Variants in MUC6 observed in about 807,000 individuals in gnomAD.
MUC6 encodes the protein mucin-6.
In MUC6, 188 loss-of-function variants were observed where a neutral mutation model predicts 201.5. The ratio of observed to expected loss-of-function variants is 0.93; its 90% CI spans 0.83 to 1.05. MUC6 has a LOEUF of 1.05. MUC6 is among the 50% of genes least tolerant of loss of function. The pLI, the probability that MUC6 is intolerant of heterozygous loss-of-function variation, is 0.00. For missense variants in MUC6, 2,706 were observed against 3,256.9 expected (o/e 0.83, Z 4.12); for synonymous variants, 1,228 against 1,389.4 (o/e 0.88, Z 2.58).
intron 28 of MUC6, 103 bp downstream of exon 28, chr11:1,020,581 C>T (rs1856783827): frequency 4.6e-6 from 7 of 1,510,264 alleles, no homozygotes; most frequent in African/African-American, 1.4e-5. Flanking sequence ...ACAGGTACTG[C>T]CTGCCCCCTC....
At chr11:1,029,846 C>T (rs538656701) in intron 8 of MUC6, among the ~76,000 whole-genome samples, 7 of 152,334 alleles carry the variant, frequency 4.6e-5, no homozygotes, top group South Asian at 2.1e-4. Flanking sequence ...AGGCCCTGGG[C>T]GTGCACAGCC....
chr11:1,033,112 C>T lies in MUC6; in HGVS notation c.53-37G>A, dbSNP rs1857148097. On this transcript the variant is annotated intron_variant, in intron 1 of 32. Coordinates refer to ENST00000421673, the MANE Select transcript of MUC6 (RefSeq NM_005961.3). The surrounding 1 kb of genome is among the most constrained non-coding windows in gnomAD (Gnocchi z 5.6). ...GGACCCGCAGTCGGTGTGGGGCTAC[C>T]CCGTCGTCCCTGAGGGCGCCGCTCA... 1.2e-6 allele frequency: 2 copies of T among 1,604,780 alleles called. No homozygotes were observed. The highest frequency in any genetic ancestry group is 1.1e-5 in the South Asian group (1 of 90,860).
intron 4 of MUC6, 21 bp from the exon 5 acceptor site, chr11:1,031,280 GGGGGCCCGGGGGCCAGGGGC>G: frequency 6.5e-7 from 1 of 1,547,638 alleles, no homozygotes; most frequent in Non-Finnish European, 8.7e-7. Context: ...CGGCTCTGCT[GGGGGCCCGGGGGCCAGGGGC>G]CCCCTCATCT....
In MUC6 at chr11:1,016,072, G is replaced by A; in HGVS notation, c.6729C>T (p.Ser2243=). ...GCGTGGACGGAAATGCAATGGTGCT[G>A]GAGGCTAGGTGGCTGGATGGGGTGG... The part of the protein sequence containing the change: ...VSPTPSSHLA[S]STIAFPSTPR... The change falls in exon 31 of 33, where the codon TCC becomes TCT. Residue 2243 remains serine (S), a synonymous_variant. Transcript: ENST00000421673. The A allele has an allele frequency of 6.2e-7, 1 of 1,612,970 alleles. No homozygotes were observed. The highest frequency in any genetic ancestry group is 8.5e-7 in the Non-Finnish European group (1 of 1,179,242).
At position 1,027,953 on chromosome 11, in the gene MUC6, T is replaced by G. The variant is rs764036374; in HGVS notation, c.1848+12A>C. The stretch of plus-strand genomic sequence containing the variant: ...CCCCTGCAGCCCTCCCAAGACGCCC[T>G]CGGGCCCTCACCTTGTAGAAGGGTG... On this transcript the variant is annotated intron_variant, in intron 15 of 32. Transcript: ENST00000421673. 2.6e-6 allele frequency: 4 copies of G among 1,566,752 alleles called. No homozygotes were observed. Among genetic ancestry groups the G allele is most frequent in the Non-Finnish European group, 3.5e-6 (4 of 1,156,246 alleles).
At position 1,019,480 on chromosome 11, in the gene MUC6, G is replaced by C. The variant is rs1856760937; in HGVS notation, c.3825C>G (p.Thr1275=). 1 of 1,613,596 alleles carries C rather than the reference G, an allele frequency of 6.2e-7. No individual in the cohort carries two copies. Among genetic ancestry groups the C allele is most frequent in the African/African-American group, 1.3e-5 (1 of 74,876 alleles). The change falls in exon 30 of 33, where the codon ACC becomes ACG. Residue 1275 remains threonine (T), a synonymous_variant. Coordinates refer to ENST00000421673, the MANE Select transcript of MUC6 (RefSeq NM_005961.3). ...ATGTGGCTTGTGGGGTGACGGCCGT[G>C]GTTGGTCTAGGTGGTTCTGCAGAGG... ...TASSGEPPRP[T]TAVTPQATSG...
In MUC6 at chr11:1,029,189, G is replaced by A. The variant is rs771568503; in HGVS notation, c.1275+39C>T. The A allele has an allele frequency of 5.0e-6, 8 of 1,605,424 alleles. No individual in the cohort carries two copies. In the East Asian group the frequency reaches 6.7e-5, roughly 14 times the overall value. ...GGGCTCAGACACGGGTGGGGTCACC[G>A]GGAGCGCCCCTCCCCACGGGCCACA... On this transcript the variant is annotated intron_variant, in intron 10 of 32. Transcript: ENST00000421673.
In MUC6 at chr11:1,013,882, C is replaced by T. The variant is rs1259155033; in HGVS notation, c.7142+17G>A. On this transcript the variant is annotated intron_variant, in intron 32 of 32. Coordinates refer to ENST00000421673, the MANE Select transcript of MUC6 (RefSeq NM_005961.3). ...ACCTTGGTGGACGTGGGGCAGGCCTCCCACCTGTGGACTCACCTGGCAGCG... is the reference window on the plus strand; with the variant it reads ...ACCTTGGTGGACGTGGGGCAGGCCTTCCACCTGTGGACTCACCTGGCAGCG... 1.3e-6 allele frequency: 2 copies of T among 1,593,598 alleles called. No individual in the cohort carries two copies. The highest frequency in any genetic ancestry group is 1.3e-5 in the African/African-American group (1 of 74,614).
rs1265485209 is a variant in MUC6, at chr11:1,026,484, G to A, written c.2395-6C>T. Reference sequence around the variant, plus strand: ...GGCTCACACTTGGTGGGCACCTGGAGGGAGGCAGGTCAGCAGCTCCTGGGA... The same window carrying A: ...GGCTCACACTTGGTGGGCACCTGGAAGGAGGCAGGTCAGCAGCTCCTGGGA... On this transcript the variant is annotated splice_polypyrimidine_tract_variant and splice_region_variant and intron_variant, in intron 19 of 32. Coordinates refer to ENST00000421673, the MANE Select transcript of MUC6 (RefSeq NM_005961.3). The A allele has an allele frequency of 6.3e-7, 1 of 1,580,116 alleles. No homozygotes were observed. The highest frequency in any genetic ancestry group is 1.8e-5 in the Admixed American group (1 of 56,208).
At position 1,028,375 on chromosome 11, in the gene MUC6, T is replaced by C; in HGVS notation, c.1604A>G (p.Asn535Ser). The C allele has an allele frequency of 1.2e-6, 2 of 1,612,334 alleles. No individual in the cohort carries two copies. The highest frequency in any genetic ancestry group is 1.3e-5 in the African/African-American group (1 of 75,034). ...FRGQTRGLCGNFNGDTTDDFT... is the reference protein window; with the variant it reads ...FRGQTRGLCGSFNGDTTDDFT... ...GTCATCCGTTGTGTCCCCGTTGAAG[T>C]TGCCGCAGAGCCCTGAGCCGGCGGG... is the stretch of plus-strand genomic sequence containing the variant. The change falls in exon 14 of 33, where the codon AAC (asparagine) becomes AGC (serine). Residue 535 changes from asparagine to serine, a missense_variant. By Grantham distance (46) the Asn-to-Ser change is conservative (BLOSUM62 1). Transcript: ENST00000421673.
intron 27 of MUC6, 99 bp from the exon 28 acceptor site, chr11:1,020,833 A>G (rs1856789863): frequency 2.1e-6 from 3 of 1,450,730 alleles, no homozygotes; most frequent in Non-Finnish European, 2.8e-6. Flanking sequence ...ATGCTCACCA[A>G]GGCTGTGGTG....
intron 26 of MUC6, 90 bp from the exon 27 acceptor site, chr11:1,021,367 G>A: frequency 5.0e-6 from 3 of 605,814 alleles, no homozygotes; most frequent in South Asian, 3.6e-5. Flanking sequence ...CTTCCTCTCT[G>A]CTTTTTTTTT....
At chr11:1,025,738 G>A (rs1856940859) in intron 22 of MUC6, 67 bp downstream of exon 22, 2 of 1,415,926 alleles carry the variant, frequency 1.4e-6, no homozygotes, top group Non-Finnish European at 1.9e-6. Flanking sequence ...CAGTGCGCGG[G>A]ATCCAGCTGT....
In MUC6 at chr11:1,032,983, C is replaced by T. The variant is rs767277580; in HGVS notation, c.115+30G>A. ...GCACACCGGGCCTGGGTGGTCTGGG[C>T]GGCAGGATCAGTGGCCGCTGTGTTC... On this transcript the variant is annotated intron_variant, in intron 2 of 32. Coordinates refer to ENST00000421673, the MANE Select transcript of MUC6 (RefSeq NM_005961.3). 3.5e-5 allele frequency: 54 copies of T among 1,559,114 alleles called. No homozygotes were observed. In the South Asian group the frequency reaches 4.7e-4, roughly 14 times the overall value.
rs79920422 is a variant in MUC6 at position 1,018,456 on chromosome 11, G to C, written c.4345C>G (p.Pro1449Ala). 1 of 979,622 alleles carries C rather than the reference G, an allele frequency of 1.0e-6. No homozygotes were observed. Among genetic ancestry groups the C allele is most frequent in the Non-Finnish European group, 1.4e-6 (1 of 736,784 alleles). 60.7% of individuals were successfully genotyped at this position (979,622 alleles called of 1,614,324 possible). The stretch of plus-strand genomic sequence containing the variant: ...GGAGTCACCAAGGAGGTGGAGAAAG[G>C]TGGAACGTGAGTGGGAAGTGTGGTC... ...PETTLPTHVP[P>A]FSTSLVTPST... Residue 1449 changes from proline (P) to alanine (A), a missense_variant, in exon 31 of 33, where the codon CCT becomes GCT. Physicochemically the swap from Pro to Ala is conservative, Grantham distance 27. Coordinates refer to ENST00000421673, the MANE Select transcript of MUC6 (RefSeq NM_005961.3).
chr11:1,013,612 C>A lies in MUC6; in HGVS notation c.7164G>T (p.Gln2388His). Residue 2388 changes from glutamine to histidine, a missense_variant, in exon 33 of 33, where the codon CAG (glutamine) becomes CAT (histidine). Coordinates refer to ENST00000421673, the MANE Select transcript of MUC6 (RefSeq NM_005961.3). ...GGCAGCAGCTGCAGCGGGCATCCAC[C>A]TGCTGGGTGATGATGTTGAAGCTGC... ...SAASFNIITQ[Q>H]VDARCSCCRP... 6.4e-7 allele frequency: 1 copy of A among 1,564,448 alleles called. No individual in the cohort carries two copies. Among genetic ancestry groups the A allele is most frequent in the East Asian group, 2.4e-5 (1 of 41,892 alleles).
At chr11:1,025,940 G>T (rs376409130) in intron 21 of MUC6, 25 bp from the exon 22 acceptor site, 34 of 1,599,182 alleles carry the variant, frequency 2.1e-5, no homozygotes, top group Middle Eastern at 1.6e-4. Context: ...CGCTGAGGAG[G>T]AGCCCTGGAG....
chr11:1,028,055 C>T lies in MUC6; in HGVS notation c.1758G>A (p.Val586=). 1 of 1,573,080 alleles carries T rather than the reference C, an allele frequency of 6.4e-7. No individual in the cohort carries two copies. The highest frequency in any genetic ancestry group is 8.6e-7 in the Non-Finnish European group (1 of 1,159,708). ...GCATGGAGCAGTGGGTCTCTGCACA[C>T]ACCTCTGGGGATGACAGGCCCGGGC... ...DPCSMSQLNK[V]CAETHCSMLL... The change falls in exon 15 of 33, where the codon GTG becomes GTA. Residue 586 remains valine, a synonymous_variant. Coordinates refer to ENST00000421673, the MANE Select transcript of MUC6 (RefSeq NM_005961.3).
At chr11:1,021,369 T>TA in intron 26 of MUC6, 92 bp from the exon 27 acceptor site, 1 of 122,182 alleles carries the variant, frequency 8.2e-6, no homozygotes, top group East Asian at 2.1e-4. Context: ...TCCTCTCTGC[T>TA]TTTTTTTTTT....
Sources: allele counts gnomAD v4.1 joint callset (sites outside exome capture counted in the v4.1 genomes callset), GRCh38; gene constraint gnomAD v4.1.1; non-coding constraint Gnocchi (gnomAD v3.1); transcripts MANE v1.5; gene names NCBI Gene and HGNC (gene_info 2026-07-23, HGNC 2026-07-21).